Variants in PGM5 observed in about 807,000 individuals in gnomAD.
The protein encoded by PGM5 is phosphoglucomutase-like protein 5.
PGM5 carries 23 observed loss-of-function variants against 59.2 expected under a neutral mutation model. The ratio of observed to expected loss-of-function variants is 0.39; its 90% CI spans 0.28 to 0.55. The LOEUF is 0.55. PGM5 is among the 20% of genes least tolerant of loss of function. The pLI is 0.66. For synonymous variants in PGM5, 214 were observed against 286.0 expected, an observed-to-expected ratio of 0.75 and a Z score of 2.54; for missense variants, 574 against 748.3, an observed-to-expected ratio of 0.77 and a Z score of 2.72.
intron 9 of PGM5, among the ~76,000 whole-genome samples, chr9:68,485,634 G>T (rs958992958): frequency 5.9e-5 from 9 of 152,146 alleles, no homozygotes; most frequent in African/African-American, 2.2e-4. Context: ...ATAGCAGTAT[G>T]AAAATGGACT....
At chr9:68,445,801 A>G (rs1823601951) in intron 6 of PGM5, among the ~76,000 whole-genome samples, 1 of 152,222 alleles carries the variant, frequency 6.6e-6, no homozygotes, top group African/African-American at 2.4e-5. Flanking sequence ...CATTTACACT[A>G]AACACCTCTC....
intron 6 of PGM5, among the ~76,000 whole-genome samples, chr9:68,428,160 T>C (rs1220394064): frequency 1.3e-5 from 2 of 152,198 alleles, no homozygotes; most frequent in African/African-American, 4.8e-5. Flanking sequence ...CTCAGTTTGG[T>C]AATATTTATA....
At chr9:68,466,277 T>G in intron 7 of PGM5, 1 of 1,006,726 alleles carries the variant, frequency 9.9e-7, no homozygotes, top group Non-Finnish European at 1.3e-6. Context: ...TGTGTTTTTT[T>G]TTTTTTTTTA....
intron 9 of PGM5, chr9:68,496,958 G>C (rs1824491378): frequency 6.6e-6 from 1 of 151,942 alleles, no homozygotes. Context: ...GTTCTGAGCA[G>C]AGTCACGTGC....
chr9:68,481,230 A>C (rs1238564772), intron 8 of PGM5, among the ~76,000 whole-genome samples: 1 of 152,206 alleles, frequency 6.6e-6, no homozygotes, highest in Non-Finnish European at 1.5e-5. Flanking sequence ...GTACTCGTTA[A>C]AATCAAAGAG....
At chr9:68,508,577 G>T (rs1347240122) in intron 10 of PGM5, among the ~76,000 whole-genome samples, 1 of 152,056 alleles carries the variant, frequency 6.6e-6, no homozygotes, top group Non-Finnish European at 1.5e-5. Flanking sequence ...ACCAGCTATT[G>T]GTTAACCCAG....
intron 6 of PGM5, among the ~76,000 whole-genome samples, chr9:68,452,756 G>T (rs782719504): frequency 2.6e-5 from 4 of 152,214 alleles, no homozygotes; most frequent in Non-Finnish European, 5.9e-5. Flanking sequence ...TCCCAGAGTG[G>T]ATGCTAAGGC....
intron 1 of PGM5, 47 bp downstream of exon 1, chr9:68,357,435 C>T (rs1304722484): frequency 1.2e-5 from 19 of 1,539,402 alleles, no homozygotes; most frequent in Non-Finnish European, 1.6e-5. Context: ...GCCGCCATGC[C>T]CTCTCCTAGC....
intron 7 of PGM5, among the ~76,000 whole-genome samples, chr9:68,475,468 A>G (rs1372764139): frequency 2.6e-5 from 4 of 152,110 alleles, no homozygotes; most frequent in Non-Finnish European, 5.9e-5. Context: ...AGTTTGGTGT[A>G]TATTCTTCTG....
chr9:68,400,035 C>G (rs1822626143), intron 6 of PGM5, among the ~76,000 whole-genome samples: 1 of 151,990 alleles, frequency 6.6e-6, no homozygotes, highest in Non-Finnish European at 1.5e-5. Flanking sequence ...CCTACATTTC[C>G]TTTTCTACTT....
intron 6 of PGM5, among the ~76,000 whole-genome samples, chr9:68,434,949 A>G (rs1823422274): frequency 6.6e-6 from 1 of 152,236 alleles, no homozygotes; most frequent in African/African-American, 2.4e-5. Context: ...TCTTAAAGTC[A>G]CTCGGAAACA....
intron 6 of PGM5, chr9:68,404,963 T>C (rs1822768094): frequency 6.6e-6 from 1 of 152,228 alleles, no homozygotes; most frequent in African/African-American, 2.4e-5. Context: ...TGACCTGGTA[T>C]TCCCTCTTGT....
chr9:68,400,343 T>A (rs1381731096), intron 6 of PGM5, among the ~76,000 whole-genome samples: 2 of 152,190 alleles, frequency 1.3e-5, no homozygotes, highest in Non-Finnish European at 2.9e-5. Context: ...ACTCTAAACA[T>A]GTCATGCTGC....
intron 10 of PGM5, among the ~76,000 whole-genome samples, chr9:68,504,159 C>T (rs1271027514): frequency 6.6e-6 from 1 of 152,176 alleles, no homozygotes; most frequent in Non-Finnish European, 1.5e-5. Flanking sequence ...GTCTTCTAGA[C>T]TTCTATTTCT....
intron 6 of PGM5, among the ~76,000 whole-genome samples, chr9:68,417,070 A>C (rs782462030): frequency 1.1e-4 from 17 of 152,232 alleles, no homozygotes; most frequent in Non-Finnish European, 2.9e-5. Flanking sequence ...ATGTTCAACG[A>C]GTTCACCATC....
chr9:68,508,172 ATCTC>A (rs1824688379), intron 10 of PGM5, among the ~76,000 whole-genome samples: 1 of 152,034 alleles, frequency 6.6e-6, no homozygotes, highest in South Asian at 2.1e-4. Flanking sequence ...CCCATCTCAA[ATCTC>A]TCTTTGTGGC....
intron 6 of PGM5, among the ~76,000 whole-genome samples, chr9:68,420,365 A>G (rs1554682270): frequency 6.6e-6 from 1 of 152,182 alleles, no homozygotes; most frequent in African/African-American, 2.4e-5. Flanking sequence ...CTTTGAATTC[A>G]TGAAGTAGGA....
chr9:68,420,522 A>G (rs1179333639), intron 6 of PGM5, among the ~76,000 whole-genome samples: 1 of 152,230 alleles, frequency 6.6e-6, no homozygotes, highest in Non-Finnish European at 1.5e-5. Flanking sequence ...ACGGAGGCAC[A>G]TGGTAAACTG....
chr9:68,415,563 G>A (rs1206871542), intron 6 of PGM5, among the ~76,000 whole-genome samples: 2 of 137,618 alleles, frequency 1.5e-5, no homozygotes, highest in African/African-American at 6.2e-5. Flanking sequence ...GTTAGGGACA[G>A]GAGCCAACTT....
Sources: gnomAD v4.1 joint callset for allele counts (sites outside exome capture counted in the v4.1 genomes callset) on GRCh38, gnomAD v4.1.1 for gene constraint, MANE v1.5 for transcripts, NCBI Gene and HGNC (gene_info 2026-07-23, HGNC 2026-07-21) for gene names.